The following GOPC variants were observed in gnomAD, a reference collection of about 807,000 sequenced individuals.
GOPC encodes golgi associated PDZ and coiled-coil motif containing, also known as Golgi-associated PDZ and coiled-coil motif-containing protein.
Under a neutral mutation model 51.2 loss-of-function variants are expected in GOPC, and 32 were observed. The ratio of observed to expected loss-of-function variants is 0.63; its 90% CI spans 0.47 to 0.84. The LOEUF is 0.84. Ranked by LOEUF, GOPC falls within the 40% of genes least tolerant of loss-of-function variation. GOPC has a pLI of 0.00. For missense variants in GOPC, 441 were observed against 555.5 expected, an observed-to-expected ratio of 0.79 and a Z score of 2.07; for synonymous variants, 190 against 205.1, an observed-to-expected ratio of 0.93 and a Z score of 0.63.
In GOPC at chr6:117,569,549, C is replaced by A. The variant is rs778786274; in HGVS notation, c.1077+23G>T. The A allele has an allele frequency of 4.3e-6, 7 of 1,610,452 alleles. No individual in the cohort carries two copies. In the South Asian group the frequency reaches 5.5e-5, roughly 13 times the overall value. ...TCATAACCAATTGATAGATCCAGTTCTAATTACATGAAGGGAATTTACCTG... is the reference window on the plus strand; with the variant it reads ...TCATAACCAATTGATAGATCCAGTTATAATTACATGAAGGGAATTTACCTG... On this transcript the variant is annotated intron_variant, in intron 7 of 8. Coordinates refer to ENST00000368498, the MANE Select transcript of GOPC (RefSeq NM_020399.4).
At chr6:117,589,211 A>G (rs1262269221) in intron 1 of GOPC, among the ~76,000 whole-genome samples, 5 of 152,262 alleles carry the variant, frequency 3.3e-5, no homozygotes, top group African/African-American at 1.2e-4. Flanking sequence ...GGTAAGATAC[A>G]TCATAGGAGG....
At position 117,570,917 on chromosome 6, in the gene GOPC, T is replaced by A; in HGVS notation, c.855A>T (p.Pro285=). The change falls in exon 6 of 9, where the codon CCA becomes CCT. Residue 285 remains proline (P), a synonymous_variant. Coordinates refer to ENST00000368498, the MANE Select transcript of GOPC (RefSeq NM_020399.4). ...CCTTAAGGAGGAGAACTTTTCTAATTGGACCAACACCTTGGCTTTTCTTTA... is the reference window on the plus strand; with the variant it reads ...CCTTAAGGAGGAGAACTTTTCTAATAGGACCAACACCTTGGCTTTTCTTTA... ...DSLKKSQGVG[P]IRKVLLLKED... 1 of 1,599,704 alleles carries A rather than the reference T, an allele frequency of 6.3e-7. No individual in the cohort carries two copies. Among genetic ancestry groups the A allele is most frequent in the Non-Finnish European group, 8.5e-7 (1 of 1,170,464 alleles).
intron 1 of GOPC, among the ~76,000 whole-genome samples, chr6:117,581,995 T>A (rs1267421303): frequency 6.6e-6 from 1 of 152,164 alleles, no homozygotes; most frequent in Non-Finnish European, 1.5e-5. Flanking sequence ...GAGCATCATA[T>A]CCTTGCCTTC....
At chr6:117,593,658 G>A (rs1323611859) in intron 1 of GOPC, among the ~76,000 whole-genome samples, 1 of 152,160 alleles carries the variant, frequency 6.6e-6, no homozygotes, top group Admixed American at 6.5e-5. Flanking sequence ...CCTGTTTCCA[G>A]GACTGTTGTG....
chr6:117,578,829 G>T, intron 2 of GOPC, 71 bp downstream of exon 2: 3 of 945,056 alleles, frequency 3.2e-6, no homozygotes, highest in Non-Finnish European at 4.4e-6. Context: ...TAATTTAAAA[G>T]TCTCATTCAA....
chr6:117,592,105 G>T (rs186317121), intron 1 of GOPC, among the ~76,000 whole-genome samples: 1 of 152,200 alleles, frequency 6.6e-6, no homozygotes, highest in African/African-American at 2.4e-5. Context: ...GGTGGCTCAC[G>T]CCTGTAATCC....
Position 117,602,372 on chromosome 6 carries a change from C to G in GOPC, c.-84G>C, listed in dbSNP as rs1772034100. On this transcript the variant is annotated 5_prime_UTR_variant, in exon 1 of 9. Coordinates refer to ENST00000368498, the MANE Select transcript of GOPC (RefSeq NM_020399.4). Reference sequence around the variant, plus strand: ...GGGAACTGCTGGGACTGAGGGGACCCCCGCGCGCGCGGGCACACTCCGTCA... The same window carrying G: ...GGGAACTGCTGGGACTGAGGGGACCGCCGCGCGCGCGGGCACACTCCGTCA... 7.2e-7 allele frequency: 1 copy of G among 1,384,038 alleles called. No individual in the cohort carries two copies. The highest frequency in any genetic ancestry group is 2.8e-5 in the Admixed American group (1 of 35,610). 85.7% of individuals were successfully genotyped at this position (1,384,038 alleles called of 1,614,324 possible).
intron 5 of GOPC, among the ~76,000 whole-genome samples, chr6:117,571,903 G>A (rs1366205877): frequency 6.6e-6 from 1 of 151,940 alleles, no homozygotes; most frequent in African/African-American, 2.4e-5. Context: ...TCCATCCCAG[G>A]CTCCTTCCTT....
intron 1 of GOPC, among the ~76,000 whole-genome samples, chr6:117,599,934 A>G (rs1348436616): frequency 6.6e-6 from 1 of 152,238 alleles, no homozygotes; most frequent in East Asian, 1.9e-4. Context: ...TTAAAAATAA[A>G]TAAAATATTG....
chr6:117,588,308 T>C (rs1780062555), intron 1 of GOPC, among the ~76,000 whole-genome samples: 1 of 152,020 alleles, frequency 6.6e-6, no homozygotes, highest in Non-Finnish European at 1.5e-5. Flanking sequence ...TCTCACTCTG[T>C]CACCCAGGCC....
At chr6:117,599,182 T>G (rs1771946984) in intron 1 of GOPC, among the ~76,000 whole-genome samples, 1 of 152,176 alleles carries the variant, frequency 6.6e-6, no homozygotes, top group Admixed American at 6.5e-5. Context: ...TGTTTCTTCA[T>G]TATATAAAAA....
At chr6:117,578,412 G>A (rs1249887336) in intron 2 of GOPC, among the ~76,000 whole-genome samples, 1 of 152,052 alleles carries the variant, frequency 6.6e-6, no homozygotes, top group East Asian at 1.9e-4. Context: ...GAAATCCTGA[G>A]GATGGAAACC....
At chr6:117,569,771 C>G (rs371936597) in intron 6 of GOPC, 35 bp from the exon 7 acceptor site, 3 of 1,537,976 alleles carry the variant, frequency 2.0e-6, no homozygotes, top group Non-Finnish European at 2.6e-6. Context: ...TTAAAGTACT[C>G]TTTGTAAGGT....
At chr6:117,572,475 T>C (rs1226075197) in intron 5 of GOPC, among the ~76,000 whole-genome samples, 1 of 152,204 alleles carries the variant, frequency 6.6e-6, no homozygotes, top group South Asian at 2.1e-4. Context: ...AAAATGTAAA[T>C]TTTATGAAGT....
Position 117,569,603 on chromosome 6 carries a change from T to C in GOPC, c.1046A>G (p.His349Arg), listed in dbSNP as rs1039771983. 5.6e-6 allele frequency: 9 copies of C among 1,613,214 alleles called. No individual in the cohort carries two copies. The highest frequency in any genetic ancestry group is 6.8e-6 in the Non-Finnish European group (8 of 1,179,742). ...VNGVNLRDTK[H>R]KEAVTILSQQ... is the part of the protein sequence containing the mutation. ...AGAAAGAATAGTTACAGCTTCTTTA[T>C]GCTTTGTGTCCCTTAGGTTAACTCC... The change falls in exon 7 of 9, where the codon CAT (histidine) becomes CGT (arginine). Residue 349 changes from histidine (H) to arginine (R), a missense_variant. Around this residue, in one of 3 missense-constraint regions of GOPC, gnomAD observed 166 missense variants for 267.0 expected, o/e 0.62. Coordinates refer to ENST00000368498, the MANE Select transcript of GOPC (RefSeq NM_020399.4).
At chr6:117,589,520 T>A (rs746444244) in intron 1 of GOPC, among the ~76,000 whole-genome samples, 1 of 152,184 alleles carries the variant, frequency 6.6e-6, no homozygotes, top group Non-Finnish European at 1.5e-5. Flanking sequence ...GGTTTCACCA[T>A]GTTGGTCAGG....
In GOPC at chr6:117,593,560, G is replaced by A. The variant is rs116939034; in HGVS notation, c.285+8444C>T. Among the ~76,000 whole-genome samples the A allele has an allele frequency of 2.4e-4, 36 of 152,264 alleles. No homozygotes were observed. In the East Asian group the frequency reaches 6.9e-3, roughly 29 times the overall value. ...TCCTCCATCCCCCATCAGACATAAT[G>A]TGTTTGTGCAGAGACTGATTTCTCT... On this transcript the variant is annotated intron_variant, in intron 1 of 8. Transcript: ENST00000368498.
chr6:117,596,076 T>C (rs1022236507), intron 1 of GOPC, among the ~76,000 whole-genome samples: 6 of 152,194 alleles, frequency 3.9e-5, no homozygotes, highest in African/African-American at 1.4e-4. Flanking sequence ...TTTTATTTTT[T>C]TGATTATAGC....
intron 1 of GOPC, among the ~76,000 whole-genome samples, chr6:117,583,696 C>G (rs1479751400): frequency 6.6e-6 from 1 of 152,114 alleles, no homozygotes; most frequent in African/African-American, 2.4e-5. Context: ...TATCTTTGCT[C>G]TAATGATTAC....
Sources: allele counts gnomAD v4.1 joint callset (sites outside exome capture counted in the v4.1 genomes callset), GRCh38; gene constraint gnomAD v4.1.1; regional missense constraint gnomAD v4.1.1; transcripts MANE v1.5; gene names NCBI Gene and HGNC (gene_info 2026-07-23, HGNC 2026-07-21).